The following ABCC11 variants were observed in gnomAD, a reference collection of about 807,000 sequenced individuals.
ABCC11 encodes the protein ATP-binding cassette sub-family C member 11.
Under a neutral mutation model 149.3 loss-of-function variants are expected in ABCC11, and 135 were observed. The ratio of observed to expected loss-of-function variants is 0.90; its 90% CI spans 0.79 to 1.04. The LOEUF (loss-of-function observed/expected upper bound fraction) is 1.04, where lower values mean the gene tolerates loss of function less well. ABCC11 is among the 50% of genes least tolerant of loss of function. ABCC11 has a pLI of 0.00. For missense variants in ABCC11, 1,680 were observed against 1,722.1 expected (o/e 0.98, Z 0.43); for synonymous variants, 665 against 671.4 (o/e 0.99, Z 0.15).
At chr16:48,181,768 G>A (rs1027993291) in intron 23 of ABCC11, among the ~76,000 whole-genome samples, 30 of 152,126 alleles carry the variant, frequency 2.0e-4, no homozygotes, top group African/African-American at 6.3e-4. Flanking sequence ...CTGCCACCAC[G>A]CCAGGCTAAT....
Position 48,211,075 on chromosome 16 carries a change from G to A in ABCC11, c.1481C>T (p.Ala494Val), listed in dbSNP as rs780843835. 1 of 1,614,196 alleles carries A rather than the reference G, an allele frequency of 6.2e-7. No individual in the cohort carries two copies. Among genetic ancestry groups the A allele is most frequent in the East Asian group, 2.2e-5 (1 of 44,884 alleles). ...ATGCCCGTTCCTCTCCAGCTCCAGT[G>A]CCCCATTGACGATCCCGGGACAGGT... Reference protein sequence around the residue: ...QQTCPGIVNGALELERNGHAS... With the variant: ...QQTCPGIVNGVLELERNGHAS... Residue 494 changes from alanine to valine, a missense_variant, in exon 11 of 30, where the codon GCA becomes GTA. By Grantham distance (64) the Ala-to-Val change is moderately conservative. Coordinates refer to ENST00000356608, the MANE Select transcript of ABCC11 (RefSeq NM_001370497.1).
chr16:48,245,531 G>T (rs1051822863), intron 1 of ABCC11, among the ~76,000 whole-genome samples: 1 of 152,160 alleles, frequency 6.6e-6, no homozygotes, highest in Non-Finnish European at 1.5e-5. Context: ...AAATTGAGAT[G>T]ATAGAATTGC....
In ABCC11 at chr16:48,167,336, G is replaced by T. The variant is rs137883727; in HGVS notation, c.4087C>A (p.Arg1363=). ...GCGAACAATGACCCAGGCTTCTTCC[G>T]CAGTACCTCCGGCCGATCAAATTCT... is the stretch of plus-strand genomic sequence containing the variant. ...VVEFDRPEVL[R]KKPGSLFAAL... is the part of the protein sequence containing the mutation. The change falls in exon 30 of 30, where the codon CGG becomes AGG. Residue 1363 remains arginine (R), a synonymous_variant. Coordinates refer to ENST00000356608, the MANE Select transcript of ABCC11 (RefSeq NM_001370497.1). 5 of 1,105,006 alleles carry T rather than the reference G, an allele frequency of 4.5e-6. No homozygotes were observed. In the East Asian group the frequency reaches 9.4e-5, roughly 21 times the overall value. 68.5% of individuals were successfully genotyped at this position (1,105,006 alleles called of 1,614,324 possible).
intron 13 of ABCC11, among the ~76,000 whole-genome samples, chr16:48,204,824 T>C (rs1245498007): frequency 6.6e-6 from 1 of 152,186 alleles, no homozygotes; most frequent in Non-Finnish European, 1.5e-5. Context: ...GCTTCACTCA[T>C]GACATTCAAT....
intron 3 of ABCC11, 26 bp downstream of exon 3, chr16:48,230,411 C>T: frequency 1.3e-6 from 2 of 1,565,972 alleles, no homozygotes; most frequent in African/African-American, 2.7e-5. Flanking sequence ...ATACAGCTCT[C>T]TCCCACCACC....
Position 48,215,254 on chromosome 16 carries a change from A to G in ABCC11, c.1042T>C (p.Cys348Arg). The G allele has an allele frequency of 6.2e-7, 1 of 1,614,138 alleles. No individual in the cohort carries two copies. Among genetic ancestry groups the G allele is most frequent in the South Asian group, 1.1e-5 (1 of 91,080 alleles). Residue 348 changes from cysteine to arginine, a missense_variant, in exon 8 of 30, where the codon TGC becomes CGC. Coordinates refer to ENST00000356608, the MANE Select transcript of ABCC11 (RefSeq NM_001370497.1). ...GTGTACATTTTAATCAGCTTAATGCAAGTGAGAACTTCACTGGTCACACGG... is the reference window on the plus strand; with the variant it reads ...GTGTACATTTTAATCAGCTTAATGCGAGTGAGAACTTCACTGGTCACACGG... ...RIRVTSEVLT[C>R]IKLIKMYTWE...
Position 48,222,740 on chromosome 16 carries a change from G to A in ABCC11, c.635C>T (p.Ser212Phe). 6.2e-7 allele frequency: 1 copy of A among 1,614,182 alleles called. No homozygotes were observed. The highest frequency in any genetic ancestry group is 8.5e-7 in the Non-Finnish European group (1 of 1,180,030). ...GAAACTCAGAGACTTCACACATTCG[G>A]AGAGAAAAAGGGCAAAGCAGAGTCC... ...GVGLCFALFL[S>F]ECVKSLSFSS... The change falls in exon 6 of 30, where the codon TCC (serine) becomes TTC (phenylalanine). Residue 212 changes from serine (S) to phenylalanine (F), a missense_variant. Transcript: ENST00000356608.
Position 48,238,660 on chromosome 16 carries a change from G to A in ABCC11, c.-18-6721C>T, listed in dbSNP as rs145118502. On this transcript the variant is annotated intron_variant, in intron 1 of 29. Transcript: ENST00000356608. ...GATTAGAATCCATAAAAACTAGGCC[G>A]GGCGCGGTGGCTCACGCCTGTAATC... is the stretch of plus-strand genomic sequence containing the variant. 5.6e-3 allele frequency among the ~76,000 whole-genome samples: 850 copies of A among 151,824 alleles called. 6 individuals are homozygous for A. The highest frequency in any genetic ancestry group is 0.019 in the African/African-American group (792 of 41,400).
At chr16:48,204,007 T>C (rs1968226998) in intron 13 of ABCC11, among the ~76,000 whole-genome samples, 1 of 152,256 alleles carries the variant, frequency 6.6e-6, no homozygotes, top group Non-Finnish European at 1.5e-5. Flanking sequence ...ATTATATGGT[T>C]GCACCATAAA....
chr16:48,221,569 A>C (rs1260296326), intron 6 of ABCC11, among the ~76,000 whole-genome samples: 2 of 152,210 alleles, frequency 1.3e-5, no homozygotes, highest in Non-Finnish European at 2.9e-5. Context: ...TTTTCCCTGG[A>C]AGATTTCCCT....
Position 48,178,630 on chromosome 16 carries a change from G to T in ABCC11, c.3315C>A (p.Phe1105Leu), listed in dbSNP as rs767105845. Reference sequence around the variant, plus strand: ...ACTGCAGTATCCTCTCTACAGCCGTGAACTGTGCCTCTGTCTCCAAGCCAA... The same window carrying T: ...ACTGCAGTATCCTCTCTACAGCCGTTAACTGTGCCTCTGTCTCCAAGCCAA... ...ARIGLETEAQ[F>L]TAVERILQYM... The change falls in exon 24 of 30, where the codon TTC (phenylalanine) becomes TTA (leucine). Residue 1105 changes from phenylalanine (F) to leucine (L), a missense_variant. Coordinates refer to ENST00000356608, the MANE Select transcript of ABCC11 (RefSeq NM_001370497.1). 1 of 1,614,112 alleles carries T rather than the reference G, an allele frequency of 6.2e-7. No homozygotes were observed. Among genetic ancestry groups the T allele is most frequent in the South Asian group, 1.1e-5 (1 of 91,076 alleles).
At position 48,215,187 on chromosome 16, in the gene ABCC11, C is replaced by T; in HGVS notation, c.1099+10G>A. On this transcript the variant is annotated intron_variant, in intron 8 of 29. Coordinates refer to ENST00000356608, the MANE Select transcript of ABCC11 (RefSeq NM_001370497.1). Reference sequence around the variant, plus strand: ...ACCAGGTTTGGAGCAGAAAGTCAGACTTTCCATACCTTCAATGATTTTTGC... The same window carrying T: ...ACCAGGTTTGGAGCAGAAAGTCAGATTTTCCATACCTTCAATGATTTTTGC... 1 of 1,603,860 alleles carries T rather than the reference C, an allele frequency of 6.2e-7. No homozygotes were observed. The highest frequency in any genetic ancestry group is 2.2e-5 in the East Asian group (1 of 44,590).
At chr16:48,198,388 A>G in intron 15 of ABCC11, 113 bp from the exon 16 acceptor site, 1 of 1,160,160 alleles carries the variant, frequency 8.6e-7, no homozygotes, top group Non-Finnish European at 1.2e-6. Context: ...TTTCATACCA[A>G]CAGATGAGCA....
intron 19 of ABCC11, 89 bp downstream of exon 19, chr16:48,193,790 C>T: frequency 9.2e-7 from 1 of 1,089,036 alleles, no homozygotes; most frequent in South Asian, 1.4e-5. Context: ...CCAAGCCATG[C>T]TCTGGCTCTT....
At chr16:48,242,699 T>C (rs1596875816) in intron 1 of ABCC11, among the ~76,000 whole-genome samples, 2 of 152,186 alleles carry the variant, frequency 1.3e-5, no homozygotes, top group East Asian at 1.9e-4. Context: ...ATATACACCA[T>C]GGAATACTAT....
At chr16:48,211,341 A>G in intron 10 of ABCC11, 142 bp from the exon 11 acceptor site, 1 of 1,039,796 alleles carries the variant, frequency 9.6e-7, no homozygotes, top group Non-Finnish European at 1.4e-6. Flanking sequence ...AAGTACCACC[A>G]GTTAGGAAAG....
intron 17 of ABCC11, among the ~76,000 whole-genome samples, chr16:48,197,500 T>C (rs1276673874): frequency 1.3e-5 from 2 of 152,300 alleles, no homozygotes; most frequent in East Asian, 1.9e-4. Context: ...AATCCAGAAC[T>C]GTCTTACTTG....
At position 48,230,569 on chromosome 16, in the gene ABCC11, G is replaced by A; in HGVS notation, c.104C>T (p.Thr35Ile). 6.4e-7 allele frequency: 1 copy of A among 1,568,550 alleles called. No individual in the cohort carries two copies. Among genetic ancestry groups the A allele is most frequent in the Non-Finnish European group, 8.7e-7 (1 of 1,155,830 alleles). The part of the protein sequence containing the change: ...DDMVSGLIYK[T>I]YTLQDGPWSQ... Reference sequence around the variant, plus strand: ...CCAGGGGCCATCTTGGAGAGTATAGGTTTTCTTGGAAAAGAAAAACAAAAG... The same window carrying A: ...CCAGGGGCCATCTTGGAGAGTATAGATTTTCTTGGAAAAGAAAAACAAAAG... The change falls in exon 3 of 30, where the codon ACC becomes ATC. Residue 35 changes from threonine (T) to isoleucine (I), a missense_variant. By Grantham distance (89) the Thr-to-Ile change is moderately conservative. Coordinates refer to ENST00000356608, the MANE Select transcript of ABCC11 (RefSeq NM_001370497.1).
Position 48,198,235 on chromosome 16 carries a change from C to CT in ABCC11, c.2122_2123insA (p.Gly708GlufsTer5). Reference sequence around the variant, plus strand: ...GTGAGTTCCATTTTCACAGATTTTCCCATTTTCCAACAAAATGATCTGGCC... The same window carrying CT: ...GTGAGTTCCATTTTCACAGATTTTCCTCATTTTCCAACAAAATGATCTGGCC... On this transcript the variant is annotated frameshift_variant, in exon 16 of 30. Coordinates refer to ENST00000356608, the MANE Select transcript of ABCC11 (RefSeq NM_001370497.1). LOFTEE classifies it high-confidence loss of function. 1.2e-6 allele frequency: 2 copies of CT among 1,614,168 alleles called. No individual in the cohort carries two copies. Among genetic ancestry groups the CT allele is most frequent in the Non-Finnish European group, 1.7e-6 (2 of 1,180,036 alleles).
Sources: gnomAD v4.1 joint callset for allele counts (sites outside exome capture counted in the v4.1 genomes callset) on GRCh38, gnomAD v4.1.1 for gene constraint, MANE v1.5 for transcripts, NCBI Gene and HGNC (gene_info 2026-07-23, HGNC 2026-07-21) for gene names.